Variants in ITIH4 observed in about 807,000 individuals in gnomAD.
ITIH4 encodes the protein inter-alpha-trypsin inhibitor heavy chain H4.
ITIH4 carries 79 observed loss-of-function variants against 111.8 expected under a neutral mutation model. The observed-to-expected ratio is 0.71, with a 90% CI of 0.59 to 0.85. The LOEUF is 0.85. Among genes scored for constraint, ITIH4 ranks in the 40% least tolerant of loss-of-function variants. The probability of loss-of-function intolerance (pLI) is 0.00; values close to 1 mark genes in which losing one functional copy is unlikely to be tolerated. For missense variants in ITIH4, 1,065 were observed against 1,195.8 expected, an observed-to-expected ratio of 0.89 and a Z score of 1.61; for synonymous variants, 472 against 468.3, an observed-to-expected ratio of 1.01 and a Z score of -0.10.
Position 52,818,266 on chromosome 3 carries a change from G to GGGTTGT in ITIH4, c.2164_2169dup (p.Thr722_Thr723dup), listed in dbSNP as rs1234674657. The GGGTTGT allele has an allele frequency of 6.3e-7, 1 of 1,581,214 alleles. No individual in the cohort carries two copies. The highest frequency in any genetic ancestry group is 8.6e-7 in the Non-Finnish European group (1 of 1,164,784). On this transcript the variant is annotated inframe_insertion, in exon 19 of 24. Transcript: ENST00000266041. The stretch of plus-strand genomic sequence containing the variant: ...GGGGCTGGGAACTTACCTGGGGTTT[G>GGGTTGT]GGTTGTCATGGTTGTTTCTAAAAGA...
At position 52,818,273 on chromosome 3, in the gene ITIH4, C is replaced by A; in HGVS notation, c.2163G>T (p.Met721Ile). The stretch of plus-strand genomic sequence containing the variant: ...GGAACTTACCTGGGGTTTGGGTTGT[C>A]ATGGTTGTTTCTAAAAGAAGAAAAA... ...VMNMKIEETT[M>I]TTQTPAPIQA... Residue 721 changes from methionine to isoleucine, a missense_variant, in exon 19 of 24, where the codon ATG becomes ATT. Transcript: ENST00000266041. The A allele has an allele frequency of 6.3e-7, 1 of 1,579,616 alleles. No homozygotes were observed.
chr3:52,825,146 C>T (rs1419491348), intron 6 of ITIH4, 188 bp from the exon 7 acceptor site: 1 of 427,512 alleles, frequency 2.3e-6, no homozygotes, highest in African/African-American at 2.0e-5. Flanking sequence ...GGAAGCCTTC[C>T]CTGCTCATGC....
chr3:52,824,601 G>A lies in ITIH4; in HGVS notation c.877-36C>T. 1 of 1,585,790 alleles carries A rather than the reference G, an allele frequency of 6.3e-7. No individual in the cohort carries two copies. Among genetic ancestry groups the A allele is most frequent in the South Asian group, 1.1e-5 (1 of 89,062 alleles). ...AGAGGAAACATAGGTGCTTCAGAAG[G>A]GCTCCCTGAGGGCTCGTGTGCCCTA... On this transcript the variant is annotated intron_variant, in intron 7 of 23. Coordinates refer to ENST00000266041, the MANE Select transcript of ITIH4 (RefSeq NM_002218.5). The surrounding 1 kb of genome is among the most constrained non-coding windows in gnomAD (Gnocchi z 4.3).
chr3:52,827,483 C>A, intron 2 of ITIH4, among the ~76,000 whole-genome samples: 1 of 152,220 alleles, frequency 6.6e-6, no homozygotes, highest in Non-Finnish European at 1.5e-5. Context: ...CAGGGCCGGG[C>A]TAAATCCTGC....
chr3:52,817,100 C>G, intron 20 of ITIH4, 42 bp from the exon 21 acceptor site: 1 of 1,576,024 alleles, frequency 6.3e-7, no homozygotes. Context: ...GGGCCCCAGC[C>G]AGGTCTGACA....
intron 21 of ITIH4, among the ~76,000 whole-genome samples, chr3:52,815,304 T>C (rs957015680): frequency 2.0e-5 from 3 of 151,054 alleles, no homozygotes; most frequent in African/African-American, 4.9e-5. Flanking sequence ...AGTGCAGTGG[T>C]GCAATCTCAG....
At chr3:52,829,015 C>T in intron 2 of ITIH4, 104 bp downstream of exon 2, 1 of 1,094,012 alleles carries the variant, frequency 9.1e-7, no homozygotes, top group East Asian at 2.7e-5. Context: ...TGAAGATGTA[C>T]ACCCTGGCAT....
intron 1 of ITIH4, chr3:52,829,737 T>C (rs1158915794): frequency 6.4e-6 from 1 of 157,312 alleles, no homozygotes; most frequent in African/African-American, 2.4e-5. Context: ...TCTGGAGACT[T>C]TGGCCTCTGT....
At chr3:52,826,727 G>T in intron 4 of ITIH4, 64 bp downstream of exon 4, 1 of 1,610,322 alleles carries the variant, frequency 6.2e-7, no homozygotes, top group Non-Finnish European at 8.5e-7. Flanking sequence ...GGACAAAGAG[G>T]GGCCGCCCTC....
intron 16 of ITIH4, 45 bp from the exon 17 acceptor site, chr3:52,819,563 G>A: frequency 1.2e-6 from 2 of 1,612,428 alleles, no homozygotes; most frequent in Non-Finnish European, 1.7e-6. Flanking sequence ...GGTGGGGTGT[G>A]GGTCTTCACA....
chr3:52,818,104 C>T lies in ITIH4; in HGVS notation c.2244G>A (p.Val748=), dbSNP rs777223269. The stretch of plus-strand genomic sequence containing the variant: ...CTGGCCCCTGGCGGTGTCTGGGGTC[C>T]ACACAGAGCCGCTCCACACTCTGCC... The part of the protein sequence containing the change: ...LPGQSVERLC[V]DPRHRQGPVN... Residue 748 remains valine, a synonymous_variant, in exon 20 of 24, where the codon GTG becomes GTA. Coordinates refer to ENST00000266041, the MANE Select transcript of ITIH4 (RefSeq NM_002218.5). 2 of 1,613,858 alleles carry T rather than the reference C, an allele frequency of 1.2e-6. No homozygotes were observed. The highest frequency in any genetic ancestry group is 1.7e-5 in the Admixed American group (1 of 60,020).
In ITIH4 at chr3:52,827,206, A is replaced by G. The variant is rs1559482453; in HGVS notation, c.252-9T>C. 3 of 1,609,786 alleles carry G rather than the reference A, an allele frequency of 1.9e-6. No homozygotes were observed. The highest frequency in any genetic ancestry group is 2.2e-5 in the South Asian group (2 of 91,004). ...TCATGCCATCGATGATCCTGGGGGC[A>G]GAAGGGTGGGAGTTGTTGAGAGCCT... is the stretch of plus-strand genomic sequence containing the variant. On this transcript the variant is annotated splice_polypyrimidine_tract_variant and intron_variant, in intron 2 of 23. Coordinates refer to ENST00000266041, the MANE Select transcript of ITIH4 (RefSeq NM_002218.5).
chr3:52,825,878 C>A lies in ITIH4; in HGVS notation c.759+8G>T, dbSNP rs1212084671. 1.2e-6 allele frequency: 2 copies of A among 1,612,600 alleles called. No individual in the cohort carries two copies. Among genetic ancestry groups the A allele is most frequent in the Non-Finnish European group, 1.7e-6 (2 of 1,179,388 alleles). On this transcript the variant is annotated splice_region_variant and intron_variant, in intron 6 of 23. Transcript: ENST00000266041. Reference sequence around the variant, plus strand: ...AGGCTGCTCTGCTCTTGCCTGAAGTCCACCCACCTGAATGGAGCCCCCGGA... The same window carrying A: ...AGGCTGCTCTGCTCTTGCCTGAAGTACACCCACCTGAATGGAGCCCCCGGA...
At chr3:52,829,927 G>T in intron 1 of ITIH4, 2 of 191,028 alleles carry the variant, frequency 1.0e-5, no homozygotes, top group South Asian at 1.1e-4. Flanking sequence ...CATTTGCCTT[G>T]AGGTCTGTGT....
In ITIH4 at chr3:52,825,985, G is replaced by A. The variant is rs755767166; in HGVS notation, c.660C>T (p.Ser220=). The part of the protein sequence containing the change: ...KAHIRFKPTL[S]QQQKSPEQQE... ...GCTGCTCTGGGGACTTTTGCTGCTG[G>A]GAAAGTGTTGGCTTGAACCGGATGT... The change falls in exon 6 of 24, where the codon TCC becomes TCT. Residue 220 remains serine, a synonymous_variant. Transcript: ENST00000266041. 15 of 1,614,168 alleles carry A rather than the reference G, an allele frequency of 9.3e-6. No individual in the cohort carries two copies. The East Asian group carries it at 3.3e-4, about 36-fold the overall frequency.
At chr3:52,813,519 G>T (rs772752604) in intron 23 of ITIH4, 29 bp from the exon 24 acceptor site, 4 of 1,603,618 alleles carry the variant, frequency 2.5e-6, no homozygotes, top group Non-Finnish European at 3.4e-6. Flanking sequence ...CAGATAGGCA[G>T]GTGGTCAGCA....
chr3:52,823,285 G>C, intron 11 of ITIH4: 1 of 416,564 alleles, frequency 2.4e-6, no homozygotes. Context: ...AGAGGGTTGT[G>C]GTACCAGGAC....
rs762075835 is a variant in ITIH4 at position 52,814,015 on chromosome 3, G to A, written c.2683C>T (p.Arg895Cys). The change falls in exon 23 of 24, where the codon CGC becomes TGC. Residue 895 changes from arginine (R) to cysteine (C), a missense_variant. Transcript: ENST00000266041. Reference protein sequence around the residue: ...GSPAASDDGRRTLRVQGNDHS... With the variant: ...GSPAASDDGRCTLRVQGNDHS... ...TCATTGCCCTGAACCCTCAGCGTGC[G>A]TCTGCCGTCATCTGATGCTGCTGGA... The A allele has an allele frequency of 8.7e-6, 14 of 1,613,790 alleles. No individual in the cohort carries two copies. Among genetic ancestry groups the A allele is most frequent in the African/African-American group, 4.0e-5 (3 of 75,050 alleles).
chr3:52,827,843 A>C (rs1272696455), intron 2 of ITIH4, among the ~76,000 whole-genome samples: 1 of 152,256 alleles, frequency 6.6e-6, no homozygotes, highest in African/African-American at 2.4e-5. Context: ...GGGGCTGAGA[A>C]AGAATGGCCC....
Sources: allele counts gnomAD v4.1 joint callset (sites outside exome capture counted in the v4.1 genomes callset), GRCh38; gene constraint gnomAD v4.1.1; non-coding constraint Gnocchi (gnomAD v3.1); transcripts MANE v1.5; gene names NCBI Gene and HGNC (gene_info 2026-07-23, HGNC 2026-07-21).